Variants in CDH4 observed in about 807,000 individuals in gnomAD.
CDH4 encodes the protein cadherin-4.
A neutral mutation model predicts 86.0 loss-of-function variants in CDH4; 33 were observed. That is an observed-to-expected ratio of 0.38 (90% CI 0.29 to 0.51). The LOEUF (loss-of-function observed/expected upper bound fraction) is 0.51. CDH4 is among the 20% of genes least tolerant of loss of function. The probability of loss-of-function intolerance (pLI) is 0.86; values close to 1 mark genes in which losing one functional copy is unlikely to be tolerated. For missense variants in CDH4, 1,114 were observed against 1,307.4 expected, an observed-to-expected ratio of 0.85 and a Z score of 2.28; for synonymous variants, 555 against 549.4, an observed-to-expected ratio of 1.01 and a Z score of -0.14.
intron 2 of CDH4, among the ~76,000 whole-genome samples, chr20:61,714,268 C>T (rs981237050): frequency 1.3e-5 from 2 of 151,740 alleles, no homozygotes; most frequent in Non-Finnish European, 2.9e-5. Flanking sequence ...GGATGGTCTC[C>T]ATCTCCTGAC....
At chr20:61,279,992 T>C (rs991611770) in intron 2 of CDH4, among the ~76,000 whole-genome samples, 1 of 152,100 alleles carries the variant, frequency 6.6e-6, no homozygotes, top group Non-Finnish European at 1.5e-5. Flanking sequence ...CGGCCCAGTG[T>C]TAGCTGACTC....
chr20:61,486,428 G>A (rs944378762), intron 2 of CDH4, among the ~76,000 whole-genome samples: 2 of 152,226 alleles, frequency 1.3e-5, no homozygotes, highest in African/African-American at 2.4e-5. Flanking sequence ...CTCGCAGTCC[G>A]GGAAGCATTG....
rs1287492645 is a variant in CDH4, at chr20:61,383,794, T to G, written c.169+128857T>G. ...ATATATGCATATATATGAAGATATATATGCATATATATGAAGATATATATG... is the reference window on the plus strand; with the variant it reads ...ATATATGCATATATATGAAGATATAGATGCATATATATGAAGATATATATG... On this transcript the variant is annotated intron_variant, in intron 2 of 15. Transcript: ENST00000614565. Among the ~76,000 whole-genome samples, 2 of 52,460 alleles carry G rather than the reference T, an allele frequency of 3.8e-5. 1 individual carries two copies. The highest frequency in any genetic ancestry group is 1.3e-3 in the East Asian group (2 of 1,576). 34.4% of individuals were successfully genotyped at this position (52,460 alleles called of 152,430 possible).
intron 2 of CDH4, among the ~76,000 whole-genome samples, chr20:61,598,936 C>T (rs922002479): frequency 6.6e-6 from 1 of 152,212 alleles, no homozygotes; most frequent in African/African-American, 2.4e-5. Flanking sequence ...TGAGGGTCGC[C>T]TTTTTTATGA....
chr20:61,504,889 TC>T (rs1447336139), intron 2 of CDH4, among the ~76,000 whole-genome samples: 2 of 152,152 alleles, frequency 1.3e-5, no homozygotes, highest in Non-Finnish European at 2.9e-5. Context: ...CCGTTTCCTC[TC>T]CAAGGGCTTG....
chr20:61,430,894 G>C (rs2085242620), intron 2 of CDH4, among the ~76,000 whole-genome samples: 1 of 152,140 alleles, frequency 6.6e-6, no homozygotes, highest in South Asian at 2.1e-4. Context: ...GTGTCCATTG[G>C]TGCCTGCAGC....
At chr20:61,335,086 G>A (rs185924784) in intron 2 of CDH4, among the ~76,000 whole-genome samples, 30 of 152,302 alleles carry the variant, frequency 2.0e-4, no homozygotes, top group Non-Finnish European at 3.2e-4. Flanking sequence ...ACGTGGTTTC[G>A]TGTTGTTCAG....
chr20:61,584,953 G>A (rs1367366522), intron 2 of CDH4, among the ~76,000 whole-genome samples: 1 of 152,188 alleles, frequency 6.6e-6, no homozygotes, highest in Non-Finnish European at 1.5e-5. Context: ...GCATTTCCCT[G>A]GAAAGCCATC....
At chr20:61,542,319 A>C (rs2086045610) in intron 2 of CDH4, among the ~76,000 whole-genome samples, 1 of 152,166 alleles carries the variant, frequency 6.6e-6, no homozygotes, top group Non-Finnish European at 1.5e-5. Flanking sequence ...GCTGAGTCAA[A>C]GGGCACCTGC....
intron 2 of CDH4, among the ~76,000 whole-genome samples, chr20:61,343,678 A>C (rs1317170385): frequency 6.6e-6 from 1 of 152,206 alleles, no homozygotes; most frequent in African/African-American, 2.4e-5. Context: ...TGTGGTTTGC[A>C]TCATGTCTCC....
chr20:61,774,916 A>G (rs2088819811), intron 4 of CDH4, among the ~76,000 whole-genome samples: 1 of 152,118 alleles, frequency 6.6e-6, no homozygotes, highest in African/African-American at 2.4e-5. Flanking sequence ...TGCTTTATCC[A>G]GTCTGTCATT....
intron 5 of CDH4, 82 bp downstream of exon 5, chr20:61,844,905 G>A: frequency 1.4e-6 from 2 of 1,391,854 alleles, no homozygotes; most frequent in Non-Finnish European, 2.0e-6. Context: ...GCCCCCAGCA[G>A]GGCCATGCCT....
chr20:61,513,565 G>A lies in CDH4; in HGVS notation c.170-229998G>A, dbSNP rs6061589. 7.4e-3 allele frequency among the ~76,000 whole-genome samples: 1,120 copies of A among 152,292 alleles called. 18 individuals carry two copies. Among genetic ancestry groups the A allele is most frequent in the African/African-American group, 0.025 (1,043 of 41,568 alleles). ...AGGAGGAAGCCGGGCCCAGAATTCC[G>A]TGCTCCCTGGTGTTCTAGCAACAAC... On this transcript the variant is annotated intron_variant, in intron 2 of 15. Coordinates refer to ENST00000614565, the MANE Select transcript of CDH4 (RefSeq NM_001794.5).
chr20:61,345,648 C>G (rs970747737), intron 2 of CDH4, among the ~76,000 whole-genome samples: 1 of 152,168 alleles, frequency 6.6e-6, no homozygotes, highest in Non-Finnish European at 1.5e-5. Flanking sequence ...TTTACTTTCC[C>G]CTCTGGCAAC....
intron 2 of CDH4, among the ~76,000 whole-genome samples, chr20:61,333,997 G>T (rs1054956545): frequency 6.6e-6 from 1 of 152,202 alleles, no homozygotes; most frequent in Non-Finnish European, 1.5e-5. Flanking sequence ...CTCTTCACAG[G>T]CTGAGAAGGG....
At chr20:61,731,586 G>A (rs1398467947) in intron 2 of CDH4, among the ~76,000 whole-genome samples, 1 of 152,208 alleles carries the variant, frequency 6.6e-6, no homozygotes, top group Non-Finnish European at 1.5e-5. Flanking sequence ...GCAGATTCCT[G>A]AGGCAGCTGC....
At chr20:61,462,218 A>G (rs1278816790) in intron 2 of CDH4, among the ~76,000 whole-genome samples, 2 of 152,186 alleles carry the variant, frequency 1.3e-5, no homozygotes, top group African/African-American at 2.4e-5. Context: ...ACAGGTTTGA[A>G]TTTTCTGCGG....
chr20:61,305,148 C>T lies in CDH4; in HGVS notation c.169+50211C>T, dbSNP rs77388406. Among the ~76,000 whole-genome samples, 33 of 151,698 alleles carry T rather than the reference C, an allele frequency of 2.2e-4. No homozygotes were observed. The East Asian group carries it at 5.8e-3, about 27-fold the overall frequency. On this transcript the variant is annotated intron_variant, in intron 2 of 15. Transcript: ENST00000614565. ...ATTGTGTGTGGGGAGTATTTTTCAG[C>T]GTCATCTCTGATGTTGAGCCTGACT...
intron 2 of CDH4, among the ~76,000 whole-genome samples, chr20:61,573,666 C>A (rs2086361913): frequency 6.6e-6 from 1 of 152,148 alleles, no homozygotes; most frequent in Non-Finnish European, 1.5e-5. Flanking sequence ...GCAGCATGAG[C>A]CTGAAGCCAG....
Sources: gnomAD v4.1 joint callset for allele counts (sites outside exome capture counted in the v4.1 genomes callset) on GRCh38, gnomAD v4.1.1 for gene constraint, MANE v1.5 for transcripts, NCBI Gene and HGNC (gene_info 2026-07-23, HGNC 2026-07-21) for gene names.